Variants in MAD1L1 observed in about 807,000 individuals in gnomAD.
MAD1L1 encodes mitotic arrest deficient 1 like 1, also known as mitotic spindle assembly checkpoint protein MAD1.
MAD1L1 carries 95 observed loss-of-function variants against 96.9 expected under a neutral mutation model. The ratio of observed to expected loss-of-function variants is 0.98; its 90% confidence interval spans 0.83 to 1.16. The LOEUF is 1.16. Among genes scored for constraint, MAD1L1 ranks in the 50% most tolerant of loss-of-function variants. The pLI, the probability that MAD1L1 is intolerant of heterozygous loss-of-function variation, is 0.00. For synonymous variants in MAD1L1, 473 were observed against 396.6 expected, an observed-to-expected ratio of 1.19 and a Z score of -2.29; for missense variants, 1,007 against 954.4, an observed-to-expected ratio of 1.06 and a Z score of -0.73.
At position 1,968,178 on chromosome 7, in the gene MAD1L1, G is replaced by A. The variant is rs540570602; in HGVS notation, c.1506-10459C>T. 6.6e-6 allele frequency among the ~76,000 whole-genome samples: 1 copy of A among 152,238 alleles called. No homozygotes were observed. The highest frequency in any genetic ancestry group is 1.5e-5 in the Non-Finnish European group (1 of 68,038). Reference sequence around the variant, plus strand: ...AAGTGCAAACAGCTTCGCGGACGAGGCACCCGGCAGAGCACGCCTCAATCC... The same window carrying A: ...AAGTGCAAACAGCTTCGCGGACGAGACACCCGGCAGAGCACGCCTCAATCC... On this transcript the variant is annotated intron_variant, in intron 15 of 18. Coordinates refer to ENST00000265854, the MANE Select transcript of MAD1L1 (RefSeq NM_001013836.2). The surrounding 1 kb of genome is among the most constrained non-coding windows in gnomAD (Gnocchi z 5.6).
chr7:2,208,943 C>T (rs143980498), intron 10 of MAD1L1, among the ~76,000 whole-genome samples: 220 of 152,302 alleles, frequency 1.4e-3, no homozygotes, highest in Non-Finnish European at 2.3e-3. Context: ...TGCTAACTCC[C>T]TCAGCCCAAC....
At chr7:2,213,567 C>T (rs1466788852) in intron 9 of MAD1L1, among the ~76,000 whole-genome samples, 1 of 152,220 alleles carries the variant, frequency 6.6e-6, no homozygotes, top group Admixed American at 6.5e-5. Context: ...AGGCAGACAG[C>T]CTCAGAAAGG....
chr7:1,958,990 G>T (rs981747718), intron 15 of MAD1L1, among the ~76,000 whole-genome samples: 2 of 152,208 alleles, frequency 1.3e-5, no homozygotes, highest in African/African-American at 4.8e-5. Context: ...GGTGGCTCAC[G>T]CCTGTAATCC....
intron 11 of MAD1L1, among the ~76,000 whole-genome samples, chr7:2,084,781 G>A (rs1785825138): frequency 6.6e-6 from 1 of 152,198 alleles, no homozygotes; most frequent in Admixed American, 6.5e-5. Flanking sequence ...CTGGGGCAGG[G>A]AGGAGAAAAA....
chr7:2,133,533 C>T (rs2128569800), intron 11 of MAD1L1, among the ~76,000 whole-genome samples: 1 of 152,376 alleles, frequency 6.6e-6, no homozygotes, highest in South Asian at 2.1e-4. Flanking sequence ...GTTTCCTTCG[C>T]AGAGCAGCCA....
At chr7:1,868,913 C>G (rs1784908753) in intron 18 of MAD1L1, among the ~76,000 whole-genome samples, 2 of 152,236 alleles carry the variant, frequency 1.3e-5, no homozygotes, top group African/African-American at 4.8e-5. Context: ...ACGGACGAAG[C>G]TGAGCACGGA....
intron 12 of MAD1L1, among the ~76,000 whole-genome samples, chr7:2,029,228 C>G (rs533502750): frequency 6.6e-6 from 1 of 152,176 alleles, no homozygotes; most frequent in Non-Finnish European, 1.5e-5. Flanking sequence ...GAAATTCAAA[C>G]GCCCATTCAC....
chr7:1,830,278 T>C (rs994919909), intron 18 of MAD1L1, among the ~76,000 whole-genome samples: 48 of 152,196 alleles, frequency 3.2e-4, no homozygotes, highest in Non-Finnish European at 6.0e-4. Flanking sequence ...ATCCCTGTAA[T>C]CCCAGCTACT....
At chr7:1,869,549 T>C (rs1487013682) in intron 18 of MAD1L1, among the ~76,000 whole-genome samples, 1 of 151,856 alleles carries the variant, frequency 6.6e-6, no homozygotes, top group Non-Finnish European at 1.5e-5. Context: ...CTCTCCAACC[T>C]CAGTATCACA....
chr7:2,075,950 T>C (rs934408604), intron 11 of MAD1L1, among the ~76,000 whole-genome samples: 1 of 152,098 alleles, frequency 6.6e-6, no homozygotes, highest in Non-Finnish European at 1.5e-5. Flanking sequence ...CCAGAAACCA[T>C]GGGGCTCTGG....
intron 18 of MAD1L1, chr7:1,829,653 A>G (rs1050586490): frequency 6.8e-6 from 1 of 148,112 alleles, no homozygotes; most frequent in African/African-American, 2.5e-5. Flanking sequence ...AGTGGCCCCA[A>G]TTTTCTGAAA....
rs535006908 is a variant in MAD1L1 at position 2,120,005 on chromosome 7, A to C, written c.1073+29147T>G. 2.5e-4 allele frequency among the ~76,000 whole-genome samples: 38 copies of C among 152,224 alleles called. No individual in the cohort carries two copies. The South Asian group carries it at 7.9e-3, about 32-fold the overall frequency. ...GCAATGCCCCAGGTGGAGGAGCCCC[A>C]GTTCATGCTCTCCATCCTCAGATCA... On this transcript the variant is annotated intron_variant, in intron 11 of 18. Coordinates refer to ENST00000265854, the MANE Select transcript of MAD1L1 (RefSeq NM_001013836.2).
intron 18 of MAD1L1, among the ~76,000 whole-genome samples, chr7:1,857,273 G>A (rs1784304955): frequency 6.6e-6 from 1 of 152,200 alleles, no homozygotes; most frequent in South Asian, 2.1e-4. Flanking sequence ...GGGTGGGTGC[G>A]ATGACTTTCC....
chr7:1,938,999 GCACA>G lies in MAD1L1; in HGVS notation c.1597-2106_1597-2103del, dbSNP rs66527139. ...GCCGGGACCAGAGGCGCACACACAC[GCACA>G]CACACACACACACACACACATGGGC... is the stretch of plus-strand genomic sequence containing the variant. On this transcript the variant is annotated intron_variant, in intron 16 of 18. Coordinates refer to ENST00000265854, the MANE Select transcript of MAD1L1 (RefSeq NM_001013836.2). Among the ~76,000 whole-genome samples the G allele has an allele frequency of 2.7e-3, 133 of 48,648 alleles. 2 individuals carry two copies. Among genetic ancestry groups the G allele is most frequent in the East Asian group, 0.011 (14 of 1,268 alleles). The allele number at this position is 48,648 out of a possible 152,430, so 31.9% of individuals were successfully genotyped here. A position where few individuals can be genotyped will look rare whatever the true frequency, so the allele number is the denominator to read the frequency against.
At chr7:2,159,779 G>C (rs1216126391) in intron 10 of MAD1L1, among the ~76,000 whole-genome samples, 2 of 152,162 alleles carry the variant, frequency 1.3e-5, no homozygotes, top group African/African-American at 4.8e-5. Flanking sequence ...TGGAACTTGT[G>C]TAAGAGGAAA....
At chr7:1,883,483 G>A (rs1785814664) in intron 18 of MAD1L1, among the ~76,000 whole-genome samples, 2 of 152,196 alleles carry the variant, frequency 1.3e-5, no homozygotes, top group Non-Finnish European at 1.5e-5. Flanking sequence ...ATTTCCATGG[G>A]AATCAGCCCA....
intron 18 of MAD1L1, among the ~76,000 whole-genome samples, chr7:1,889,836 C>A (rs1032561373): frequency 6.6e-6 from 1 of 152,252 alleles, no homozygotes; most frequent in Non-Finnish European, 1.5e-5. Context: ...CTTCCCCTCA[C>A]CCCACCCAGG....
intron 5 of MAD1L1, among the ~76,000 whole-genome samples, chr7:2,219,861 C>G (rs1399746806): frequency 6.6e-6 from 1 of 152,116 alleles, no homozygotes; most frequent in Non-Finnish European, 1.5e-5. Flanking sequence ...CGGGCCCCAG[C>G]CAGGGGCCCT....
At chr7:1,906,954 T>C (rs535515878) in intron 17 of MAD1L1, among the ~76,000 whole-genome samples, 1 of 152,324 alleles carries the variant, frequency 6.6e-6, no homozygotes, top group East Asian at 1.9e-4. Flanking sequence ...ACATACAGCC[T>C]TCCCATGGCC....
Sources: gnomAD v4.1 joint callset for allele counts (sites outside exome capture counted in the v4.1 genomes callset) on GRCh38, gnomAD v4.1.1 for gene constraint, Gnocchi (gnomAD v3.1) non-coding constraint, MANE v1.5 for transcripts, NCBI Gene and HGNC (gene_info 2026-07-23, HGNC 2026-07-21) for gene names.